The following CCDC91 variants were observed in gnomAD, a reference collection of about 807,000 sequenced individuals.
The protein encoded by CCDC91 is coiled-coil domain-containing protein 91.
CCDC91 carries 48 observed loss-of-function variants against 63.2 expected under a neutral mutation model. That is an observed-to-expected ratio of 0.76 (90% confidence interval 0.60 to 0.97). CCDC91 has a LOEUF of 0.97. Ranked by LOEUF, CCDC91 falls within the 50% of genes least tolerant of loss-of-function variation. The probability of loss-of-function intolerance (pLI) is 0.00; values close to 1 mark genes in which losing one functional copy is unlikely to be tolerated. For missense variants in CCDC91, 500 were observed against 494.6 expected (o/e 1.01, Z -0.10); for synonymous variants, 167 against 165.8 (o/e 1.01, Z -0.06).
chr12:28,431,565 T>G (rs1948627092), intron 8 of CCDC91, among the ~76,000 whole-genome samples: 1 of 152,056 alleles, frequency 6.6e-6, no homozygotes, highest in Admixed American at 6.6e-5. Context: ...AATTTTCAGT[T>G]TTTCTGGGTT....
intron 11 of CCDC91, among the ~76,000 whole-genome samples, chr12:28,467,784 A>C (rs1487048021): frequency 6.6e-6 from 1 of 152,108 alleles, no homozygotes; most frequent in Admixed American, 6.5e-5. Context: ...AATGGAATAA[A>C]ACTAGAAATC....
intron 6 of CCDC91, among the ~76,000 whole-genome samples, chr12:28,313,124 C>A (rs1174256071): frequency 1.3e-5 from 2 of 151,884 alleles, no homozygotes; most frequent in Non-Finnish European, 2.9e-5. Flanking sequence ...AGGTATCTAA[C>A]ATACAGGTCT....
At chr12:28,256,123 T>C (rs1253273999) in intron 1 of CCDC91, 1 of 152,150 alleles carries the variant, frequency 6.6e-6, no homozygotes, top group Non-Finnish European at 1.5e-5. Flanking sequence ...ACATTGCTTT[T>C]TAAATTAACT....
At chr12:28,262,294 C>A (rs1946873824) in intron 3 of CCDC91, among the ~76,000 whole-genome samples, 1 of 151,980 alleles carries the variant, frequency 6.6e-6, no homozygotes, top group East Asian at 1.9e-4. Context: ...ATTAACCAAG[C>A]TTTACCACAG....
intron 3 of CCDC91, among the ~76,000 whole-genome samples, chr12:28,275,869 A>G (rs576159929): frequency 6.6e-6 from 1 of 152,222 alleles, no homozygotes; most frequent in East Asian, 1.9e-4. Context: ...AAAAACAAAA[A>G]CCACATGATT....
intron 11 of CCDC91, among the ~76,000 whole-genome samples, chr12:28,473,351 G>T (rs1355100409): frequency 1.3e-5 from 2 of 152,154 alleles, no homozygotes; most frequent in African/African-American, 4.8e-5. Context: ...ACAAACAAAA[G>T]AAGTTCACTC....
intron 12 of CCDC91, among the ~76,000 whole-genome samples, chr12:28,512,203 G>A (rs757440030): frequency 6.6e-6 from 1 of 151,556 alleles, no homozygotes; most frequent in Non-Finnish European, 1.5e-5. Context: ...TTTTGTATTT[G>A]CAAGGGAAAA....
Position 28,412,755 on chromosome 12 carries a change from G to T in CCDC91, c.762+21344G>T, listed in dbSNP as rs1194802251. The T allele has an allele frequency of 8.8e-6, 4 of 453,658 alleles. No individual in the cohort carries two copies. In the Admixed American group the frequency reaches 9.4e-5, roughly 11 times the overall value. The allele number at this position is 453,658 out of a possible 1,614,324, so 28.1% of individuals were successfully genotyped here. On this transcript the variant is annotated intron_variant, in intron 8 of 12. Coordinates refer to ENST00000536442, the MANE Select transcript of CCDC91 (RefSeq NM_018318.5). ...CATGTTCCATTTCTGTCCTTTCAGAGTGCCCTTTTTTCAATCCTTCCTGCG... is the reference window on the plus strand; with the variant it reads ...CATGTTCCATTTCTGTCCTTTCAGATTGCCCTTTTTTCAATCCTTCCTGCG...
At chr12:28,408,086 T>C (rs1290057649) in intron 8 of CCDC91, among the ~76,000 whole-genome samples, 8 of 152,040 alleles carry the variant, frequency 5.3e-5, no homozygotes, top group Non-Finnish European at 1.2e-4. Flanking sequence ...CATCTAAGTT[T>C]TAAGCCTCAC....
chr12:28,348,489 A>G (rs1402014905), intron 6 of CCDC91, among the ~76,000 whole-genome samples: 3 of 152,190 alleles, frequency 2.0e-5, no homozygotes, highest in African/African-American at 7.2e-5. Context: ...CCAAACATGG[A>G]AAGGAGTTCT....
chr12:28,208,673 A>T (rs1943020027), intron 1 of CCDC91, among the ~76,000 whole-genome samples: 1 of 152,240 alleles, frequency 6.6e-6, no homozygotes, highest in South Asian at 2.1e-4. Flanking sequence ...CAAAATGATG[A>T]TTTAAAAAAT....
At position 28,378,407 on chromosome 12, in the gene CCDC91, G is replaced by A. The variant is rs78466257; in HGVS notation, c.655-12897G>A. 9.5e-3 allele frequency among the ~76,000 whole-genome samples: 1,439 copies of A among 152,136 alleles called. 27 individuals are homozygous for A. Among genetic ancestry groups the A allele is most frequent in the African/African-American group, 0.032 (1,335 of 41,542 alleles). The stretch of plus-strand genomic sequence containing the variant: ...TCTTAAATTGTTTGTACCGTTTTAT[G>A]AAGGAGAACATATTACATTTAGGAG... On this transcript the variant is annotated intron_variant, in intron 7 of 12. Coordinates refer to ENST00000536442, the MANE Select transcript of CCDC91 (RefSeq NM_018318.5).
chr12:28,380,790 T>C (rs758962447), intron 7 of CCDC91, among the ~76,000 whole-genome samples: 9 of 152,188 alleles, frequency 5.9e-5, no homozygotes, highest in Non-Finnish European at 1.0e-4. Flanking sequence ...ATTTAGTTTT[T>C]AGTCTTTCAT....
At chr12:28,299,332 A>G (rs951291725) in intron 3 of CCDC91, among the ~76,000 whole-genome samples, 2 of 151,298 alleles carry the variant, frequency 1.3e-5, no homozygotes, top group African/African-American at 2.4e-5. Flanking sequence ...CATTTTTCTT[A>G]TTCTCCTCAG....
At chr12:28,379,847 A>G (rs1172035645) in intron 7 of CCDC91, among the ~76,000 whole-genome samples, 5 of 152,184 alleles carry the variant, frequency 3.3e-5, no homozygotes, top group African/African-American at 9.7e-5. Context: ...ATAAGAACAC[A>G]TGCACACGTA....
chr12:28,317,151 T>C (rs9645730), intron 6 of CCDC91, among the ~76,000 whole-genome samples: 30,456 of 151,548 alleles, frequency 0.2, 4,004 homozygotes, highest in Non-Finnish European at 0.3. Flanking sequence ...TTTGGGACTA[T>C]TGATGGTTTG....
intron 6 of CCDC91, among the ~76,000 whole-genome samples, chr12:28,353,756 A>G (rs1442126219): frequency 6.6e-6 from 1 of 152,204 alleles, no homozygotes; most frequent in African/African-American, 2.4e-5. Flanking sequence ...GATCACTGTA[A>G]TAGATGAACT....
intron 3 of CCDC91, among the ~76,000 whole-genome samples, chr12:28,281,294 A>C (rs1358979418): frequency 6.6e-6 from 1 of 152,208 alleles, no homozygotes; most frequent in African/African-American, 2.4e-5. Flanking sequence ...TAGTTAGCTT[A>C]CATGAGTGTG....
At chr12:28,440,335 G>A (rs1949120991) in intron 8 of CCDC91, among the ~76,000 whole-genome samples, 1 of 152,188 alleles carries the variant, frequency 6.6e-6, no homozygotes, top group Non-Finnish European at 1.5e-5. Flanking sequence ...GAGCCCTGCT[G>A]TGAAATGAAC....
Sources: gnomAD v4.1 joint callset for allele counts (sites outside exome capture counted in the v4.1 genomes callset) on GRCh38, gnomAD v4.1.1 for gene constraint, MANE v1.5 for transcripts, NCBI Gene and HGNC (gene_info 2026-07-23, HGNC 2026-07-21) for gene names.